Variants in ROBO2 observed in about 807,000 individuals in gnomAD.
ROBO2 encodes roundabout homolog 2.
ROBO2 carries 53 observed loss-of-function variants against 160.8 expected under a neutral mutation model. The observed-to-expected ratio is 0.33, with a 90% CI of 0.26 to 0.41. The LOEUF (loss-of-function observed/expected upper bound fraction) is 0.41, where lower values mean the gene tolerates loss of function less well. Ranked by LOEUF, ROBO2 falls within the 10% of genes least tolerant of loss-of-function variation. The pLI is 1.00. For synonymous variants in ROBO2, 664 were observed against 611.7 expected, an observed-to-expected ratio of 1.09 and a Z score of -1.26; for missense variants, 1,577 against 1,722.4, an observed-to-expected ratio of 0.92 and a Z score of 1.49.
At chr3:76,567,195 A>C (rs969988002) in intron 2 of ROBO2, among the ~76,000 whole-genome samples, 11 of 152,198 alleles carry the variant, frequency 7.2e-5, no homozygotes, top group African/African-American at 2.4e-4. Context: ...AAGTAGCAAT[A>C]ACCTTGAAGA....
chr3:77,640,878 A>G (rs1410311722), intron 24 of ROBO2, among the ~76,000 whole-genome samples: 2 of 152,258 alleles, frequency 1.3e-5, no homozygotes, highest in Admixed American at 6.5e-5. Context: ...TTATGAAGCT[A>G]TATAATTTTA....
chr3:76,236,032 T>G (rs1704923750), intron 2 of ROBO2, among the ~76,000 whole-genome samples: 1 of 152,158 alleles, frequency 6.6e-6, no homozygotes, highest in African/African-American at 2.4e-5. Context: ...CTCATATAGT[T>G]AATTTTCTGC....
chr3:77,388,252 T>C (rs1182015632), intron 2 of ROBO2, among the ~76,000 whole-genome samples: 2 of 152,008 alleles, frequency 1.3e-5, no homozygotes, highest in Non-Finnish European at 2.9e-5. Context: ...ATTCAACAAA[T>C]GAAAAGATTT....
chr3:77,544,913 A>G (rs947999456), intron 6 of ROBO2, among the ~76,000 whole-genome samples: 4 of 152,130 alleles, frequency 2.6e-5, no homozygotes, highest in Non-Finnish European at 5.9e-5. Flanking sequence ...AAAACTTCCA[A>G]TGATACTGCC....
intron 2 of ROBO2, among the ~76,000 whole-genome samples, chr3:77,360,059 C>T (rs2069705623): frequency 6.6e-6 from 1 of 152,144 alleles, no homozygotes; most frequent in African/African-American, 2.4e-5. Context: ...TAAATCTCTG[C>T]TGTGTTCCAG....
chr3:76,451,459 A>G (rs973316900), intron 2 of ROBO2, among the ~76,000 whole-genome samples: 2 of 152,162 alleles, frequency 1.3e-5, no homozygotes, highest in African/African-American at 4.8e-5. Flanking sequence ...AAAATATTCC[A>G]TATTTGCCAT....
In ROBO2 at chr3:77,350,809, C is replaced by T. The variant is rs79394537; in HGVS notation, c.389-126605C>T. ...GAGGAAGCCCAGAGGAACAGCTACA[C>T]GGAACTGGACACAAGAGAGGCCCAG... On this transcript the variant is annotated intron_variant, in intron 2 of 25. Transcript: ENST00000461745. Among the ~76,000 whole-genome samples the T allele has an allele frequency of 9.8e-3, 1,495 of 152,232 alleles. 12 individuals are homozygous for T. Among genetic ancestry groups the T allele is most frequent in the South Asian group, 0.023 (112 of 4,828 alleles).
In ROBO2 at chr3:76,909,661, G is replaced by A. The variant is rs548634430; in HGVS notation, c.110-188353G>A. The stretch of plus-strand genomic sequence containing the variant: ...TTCTTAGTGCGTTGTTTTTTAAATT[G>A]ACATTTTAACCTAGATCTTCTGAAA... On this transcript the variant is annotated intron_variant, in intron 2 of 26. Coordinates refer to the ROBO2 transcript ENST00000487694. Among the ~76,000 whole-genome samples, 56 of 152,206 alleles carry A rather than the reference G, an allele frequency of 3.7e-4. 1 individual carries two copies. Among genetic ancestry groups the A allele is most frequent in the African/African-American group, 1.3e-3 (56 of 41,520 alleles).
chr3:77,389,534 C>G (rs949681751), intron 2 of ROBO2, among the ~76,000 whole-genome samples: 20 of 152,056 alleles, frequency 1.3e-4, no homozygotes, highest in Admixed American at 6.6e-4. Flanking sequence ...TATTGCAGAA[C>G]TGTGTGGGTT....
At chr3:76,016,843 T>C (rs924587490) in intron 2 of ROBO2, among the ~76,000 whole-genome samples, 1 of 152,072 alleles carries the variant, frequency 6.6e-6, no homozygotes, top group Non-Finnish European at 1.5e-5. Context: ...GATTTTTCTA[T>C]TCCTAAAAAT....
chr3:76,554,937 T>C (rs1403963199), intron 2 of ROBO2, among the ~76,000 whole-genome samples: 1 of 152,014 alleles, frequency 6.6e-6, no homozygotes, highest in Non-Finnish European at 1.5e-5. Context: ...ATTTATGGCA[T>C]GGTGAACTGT....
chr3:75,907,368 A>C (rs1357813927), intron 1 of ROBO2, among the ~76,000 whole-genome samples: 1 of 152,088 alleles, frequency 6.6e-6, no homozygotes, highest in Non-Finnish European at 1.5e-5. Context: ...TGGGCACAGA[A>C]TGTGACGGGG....
intron 2 of ROBO2, among the ~76,000 whole-genome samples, chr3:77,320,293 A>C (rs962650317): frequency 1.3e-5 from 2 of 152,090 alleles, no homozygotes; most frequent in African/African-American, 4.8e-5. Flanking sequence ...GTTGAGTTTT[A>C]ATATTTCAGT....
At chr3:76,035,203 T>TA (rs2067065774) in intron 2 of ROBO2, among the ~76,000 whole-genome samples, 1 of 151,760 alleles carries the variant, frequency 6.6e-6, no homozygotes, top group Admixed American at 6.6e-5. Context: ...TTTTTTTTTT[T>TA]TCTAAATCCT....
intron 2 of ROBO2, among the ~76,000 whole-genome samples, chr3:76,318,756 A>T (rs937948319): frequency 1.3e-5 from 2 of 152,136 alleles, no homozygotes; most frequent in Admixed American, 1.3e-4. Context: ...TTAGTTTTCA[A>T]ATTCAACCTT....
At chr3:76,410,415 T>C (rs1047024722) in intron 2 of ROBO2, among the ~76,000 whole-genome samples, 6 of 152,090 alleles carry the variant, frequency 3.9e-5, no homozygotes, top group African/African-American at 1.4e-4. Context: ...ATAGATGAAA[T>C]GGATAAACTT....
At chr3:77,364,865 A>C (rs1279852365) in intron 2 of ROBO2, among the ~76,000 whole-genome samples, 1 of 152,160 alleles carries the variant, frequency 6.6e-6, no homozygotes, top group Non-Finnish European at 1.5e-5. Context: ...ATTCATATGC[A>C]TGCAGGAGGC....
intron 2 of ROBO2, among the ~76,000 whole-genome samples, chr3:76,345,793 A>G (rs2074496183): frequency 6.6e-6 from 1 of 152,038 alleles, no homozygotes; most frequent in Non-Finnish European, 1.5e-5. Flanking sequence ...TGAAAGTTTT[A>G]TTTATGAAAT....
chr3:76,922,855 C>T (rs2076753650), intron 2 of ROBO2, among the ~76,000 whole-genome samples: 1 of 152,148 alleles, frequency 6.6e-6, no homozygotes, highest in South Asian at 2.1e-4. Flanking sequence ...ATGTATTGTT[C>T]AATACTGTGT....
Sources: gnomAD v4.1 joint callset for allele counts (sites outside exome capture counted in the v4.1 genomes callset) on GRCh38, gnomAD v4.1.1 for gene constraint, MANE v1.5 for transcripts, NCBI Gene and HGNC (gene_info 2026-07-23, HGNC 2026-07-21) for gene names.